FBXW8: variants seen among roughly 807,000 people sequenced by gnomAD.
FBXW8 encodes F-box/WD repeat-containing protein 8.
FBXW8 carries 57 observed loss-of-function variants against 65.3 expected under a neutral mutation model. That is an observed-to-expected ratio of 0.87 (90% CI 0.71 to 1.09). The LOEUF is 1.09. Ranked by LOEUF, FBXW8 falls within the 50% of genes least tolerant of loss-of-function variation. FBXW8 has a pLI of 0.00. For missense variants in FBXW8, 777 were observed against 814.8 expected (o/e 0.95, Z 0.57); for synonymous variants, 308 against 330.2 (o/e 0.93, Z 0.73).
intron 5 of FBXW8, among the ~76,000 whole-genome samples, chr12:116,965,858 C>T (rs1254017423): frequency 6.6e-6 from 1 of 151,964 alleles, no homozygotes; most frequent in East Asian, 1.9e-4. Flanking sequence ...TCCCGGGATC[C>T]AGTGATCCTC....
At chr12:116,989,955 T>C (rs1264399872) in intron 7 of FBXW8, among the ~76,000 whole-genome samples, 1 of 152,224 alleles carries the variant, frequency 6.6e-6, no homozygotes, top group Admixed American at 6.5e-5. Flanking sequence ...ACATGAGAGC[T>C]CCCGACCTGT....
chr12:116,992,421 TTTTG>T (rs1299144802), intron 7 of FBXW8, among the ~76,000 whole-genome samples: 1 of 127,378 alleles, frequency 7.9e-6, no homozygotes, highest in Non-Finnish European at 1.6e-5. Context: ...AAGATCAGAG[TTTTG>T]TTTTTTTTTT....
In FBXW8 at chr12:116,972,695, C is replaced by T. The variant is rs114178346; in HGVS notation, c.835+7841C>T. Among the ~76,000 whole-genome samples, 825 of 152,016 alleles carry T rather than the reference C, an allele frequency of 5.4e-3. 11 individuals are homozygous for T. Among genetic ancestry groups the T allele is most frequent in the African/African-American group, 0.019 (792 of 41,436 alleles). ...TGCTTGGAGAAGGAAGGCTCAAGTA[C>T]GGAAAGGGGATGGCCAGAATGAACC... On this transcript the variant is annotated intron_variant, in intron 5 of 10. Coordinates refer to ENST00000652555, the MANE Select transcript of FBXW8 (RefSeq NM_153348.3).
intron 4 of FBXW8, among the ~76,000 whole-genome samples, chr12:116,958,560 C>G (rs1325794719): frequency 6.6e-6 from 1 of 152,182 alleles, no homozygotes; most frequent in Non-Finnish European, 1.5e-5. Context: ...ACACACAACC[C>G]CCCTGGTCAT....
chr12:116,987,542 C>CGAA (rs1885802466), intron 6 of FBXW8, among the ~76,000 whole-genome samples: 1 of 152,174 alleles, frequency 6.6e-6, no homozygotes, highest in Non-Finnish European at 1.5e-5. Context: ...CCTTCCTTAC[C>CGAA]CTCTGGTGGC....
At chr12:117,009,125 A>G (rs1002266784) in intron 7 of FBXW8, among the ~76,000 whole-genome samples, 4 of 152,234 alleles carry the variant, frequency 2.6e-5, no homozygotes, top group South Asian at 2.1e-4. Context: ...TAATCCCAGC[A>G]CTTTGGGAGG....
At chr12:116,916,939 A>T (rs1313997816) in intron 1 of FBXW8, among the ~76,000 whole-genome samples, 3 of 150,998 alleles carry the variant, frequency 2.0e-5, no homozygotes, top group East Asian at 2.0e-4. Flanking sequence ...AGAGGTGTGT[A>T]TCTGGGTTAT....
Position 117,024,209 on chromosome 12 carries a change from G to C in FBXW8, c.1430G>C (p.Arg477Thr). 1 of 1,614,216 alleles carries C rather than the reference G, an allele frequency of 6.2e-7. No homozygotes were observed. The highest frequency in any genetic ancestry group is 8.5e-7 in the Non-Finnish European group (1 of 1,180,044). ...CTGTCGCTCTCCGCCCATCAGCTCAGGGTCTCTGCTGTGCAGATGGATGAC... is the reference window on the plus strand; with the variant it reads ...CTGTCGCTCTCCGCCCATCAGCTCACGGTCTCTGCTGTGCAGATGGATGAC... The part of the protein sequence containing the change: ...IALSLSAHQL[R>T]VSAVQMDDWK... Residue 477 changes from arginine (R) to threonine (T), a missense_variant, in exon 9 of 11, where the codon AGG becomes ACG. By Grantham distance (71) the Arg-to-Thr change is moderately conservative. Transcript: ENST00000652555.
chr12:116,983,734 A>T (rs1194053125), intron 5 of FBXW8, among the ~76,000 whole-genome samples: 1 of 152,238 alleles, frequency 6.6e-6, no homozygotes. Flanking sequence ...TGATCAATAG[A>T]AGGGGAATTA....
chr12:116,960,325 T>A (rs1883906637), intron 4 of FBXW8, among the ~76,000 whole-genome samples: 1 of 152,188 alleles, frequency 6.6e-6, no homozygotes, highest in African/African-American at 2.4e-5. Flanking sequence ...TAGGTTAGAT[T>A]TGAGAGCCCG....
chr12:116,925,678 G>A (rs540410245), intron 1 of FBXW8, among the ~76,000 whole-genome samples: 47 of 152,150 alleles, frequency 3.1e-4, no homozygotes, highest in African/African-American at 8.4e-4. Context: ...GTGTAATGTC[G>A]TTTACAAAAT....
At chr12:116,949,848 T>C (rs1883163977) in intron 4 of FBXW8, 142 bp downstream of exon 4, 1 of 754,442 alleles carries the variant, frequency 1.3e-6, no homozygotes, top group Non-Finnish European at 2.3e-6. Flanking sequence ...AGAGGGAGAG[T>C]CTCCGTGATT....
chr12:116,992,351 T>C (rs1381099534), intron 7 of FBXW8, among the ~76,000 whole-genome samples: 3 of 151,838 alleles, frequency 2.0e-5, no homozygotes, highest in Non-Finnish European at 2.9e-5. Context: ...AGCAGTGTTA[T>C]GGGCCACGTA....
chr12:117,020,679 C>T lies in FBXW8; in HGVS notation c.1368-3468C>T, dbSNP rs568604563. 1.8e-4 allele frequency among the ~76,000 whole-genome samples: 28 copies of T among 152,274 alleles called. No individual in the cohort carries two copies. The East Asian group carries it at 2.1e-3, about 12-fold the overall frequency. ...ATTGAAAGCAGGAGTCTCCATACTC[C>T]GCTCCCTGCCTAGGGTGGCCCTTCA... On this transcript the variant is annotated intron_variant, in intron 8 of 10. Coordinates refer to ENST00000652555, the MANE Select transcript of FBXW8 (RefSeq NM_153348.3).
rs1296523918 is a variant in FBXW8 at position 117,030,127 on chromosome 12, G to A, written c.*1955G>A. ...GTGCTTGCCATTACTCCAAAGCCTA[G>A]AACCTTCACGTCATGAAGGTTCTGG... On this transcript the variant is annotated 3_prime_UTR_variant, in exon 11 of 11. Transcript: ENST00000652555. The A allele has an allele frequency of 1.3e-5, 2 of 152,112 alleles. No homozygotes were observed. The highest frequency in any genetic ancestry group is 2.9e-5 in the Non-Finnish European group (2 of 68,020). The allele number at this position is 152,112 out of a possible 1,614,324, so 9.4% of individuals were successfully genotyped here.
At chr12:116,954,925 C>G (rs1166383511) in intron 4 of FBXW8, among the ~76,000 whole-genome samples, 2 of 152,052 alleles carry the variant, frequency 1.3e-5, no homozygotes, top group African/African-American at 2.4e-5. Flanking sequence ...CTGTGCTGCA[C>G]TCTCAGAGGT....
In FBXW8 at chr12:116,993,042, C is replaced by T. The variant is rs1369798475; in HGVS notation, c.1239+4173C>T. The stretch of plus-strand genomic sequence containing the variant: ...TTGTGCTAGTTTACATTTCCACCAG[C>T]AATGTATAAGCATTCCCATTTCACA... On this transcript the variant is annotated intron_variant, in intron 7 of 10. Coordinates refer to ENST00000652555, the MANE Select transcript of FBXW8 (RefSeq NM_153348.3). Among the ~76,000 whole-genome samples the T allele has an allele frequency of 4.0e-5, 6 of 150,320 alleles. No homozygotes were observed. The Admixed American group carries it at 4.0e-4, about 10-fold the overall frequency.
chr12:117,015,254 G>A (rs957857472), intron 8 of FBXW8, among the ~76,000 whole-genome samples: 1 of 152,054 alleles, frequency 6.6e-6, no homozygotes, highest in Non-Finnish European at 1.5e-5. Flanking sequence ...ACTTCCATGG[G>A]TTTGACTCTC....
At chr12:117,005,429 G>C (rs1315539515) in intron 7 of FBXW8, among the ~76,000 whole-genome samples, 1 of 152,212 alleles carries the variant, frequency 6.6e-6, no homozygotes, top group African/African-American at 2.4e-5. Context: ...GAACCTTAGA[G>C]TTAGGAACCT....
Sources: allele counts gnomAD v4.1 joint callset (sites outside exome capture counted in the v4.1 genomes callset), GRCh38; gene constraint gnomAD v4.1.1; transcripts MANE v1.5; gene names NCBI Gene and HGNC (gene_info 2026-07-23, HGNC 2026-07-21).